The following PPIL4 variants were observed in gnomAD, a reference collection of about 807,000 sequenced individuals.
The protein encoded by PPIL4 is peptidylprolyl isomerase like 4, also known as peptidyl-prolyl cis-trans isomerase-like 4.
In PPIL4, 50 loss-of-function variants were observed where a neutral mutation model predicts 69.1. That is an observed-to-expected ratio of 0.72 (90% CI 0.58 to 0.92). The LOEUF (loss-of-function observed/expected upper bound fraction) is 0.92, where lower values mean the gene tolerates loss of function less well. PPIL4 is among the 40% of genes least tolerant of loss of function. The probability of loss-of-function intolerance (pLI) is 0.00; values close to 1 mark genes in which losing one functional copy is unlikely to be tolerated. For synonymous variants in PPIL4, 193 were observed against 191.6 expected (o/e 1.01, Z -0.06); for missense variants, 480 against 587.9 (o/e 0.82, Z 1.90).
chr6:149,536,853 C>CCT (rs1306793745), intron 4 of PPIL4, among the ~76,000 whole-genome samples: 4 of 152,116 alleles, frequency 2.6e-5, no homozygotes, highest in Non-Finnish European at 5.9e-5. Flanking sequence ...TGGCCAGGTG[C>CCT]AGTGGCTCAC....
intron 5 of PPIL4, 81 bp downstream of exon 5, chr6:149,535,515 G>T: frequency 1.9e-6 from 2 of 1,062,200 alleles, no homozygotes; most frequent in Non-Finnish European, 2.8e-6. Context: ...TATGCATACC[G>T]TTCCTATCCA....
rs191857574 is a variant in PPIL4 at position 149,536,954 on chromosome 6, T to C, written c.322-1216A>G. The stretch of plus-strand genomic sequence containing the variant: ...CAGCCTGACCAACATGGTGAAACCC[T>C]GTCTCCACTAAAAATACAAAAGTTA... On this transcript the variant is annotated intron_variant, in intron 4 of 12. Transcript: ENST00000253329. Among the ~76,000 whole-genome samples, 641 of 151,928 alleles carry C rather than the reference T, an allele frequency of 4.2e-3. 3 individuals are homozygous for C. Among genetic ancestry groups the C allele is most frequent in the Non-Finnish European group, 5.0e-3 (338 of 67,918 alleles).
At chr6:149,529,740 C>G (rs573625749) in intron 7 of PPIL4, among the ~76,000 whole-genome samples, 1 of 124,682 alleles carries the variant, frequency 8.0e-6, no homozygotes, top group Admixed American at 1.1e-4. Context: ...TCTAGCCTGA[C>G]GACAAGAGCG....
chr6:149,521,228 T>C (rs1777024893), intron 9 of PPIL4, 57 bp from the exon 10 acceptor site: 2 of 1,007,508 alleles, frequency 2.0e-6, no homozygotes, highest in Non-Finnish European at 3.0e-6. Context: ...TTTCTGTAGC[T>C]AGAATACTGA....
chr6:149,543,964 T>C (rs779809959), intron 1 of PPIL4, among the ~76,000 whole-genome samples: 86 of 152,346 alleles, frequency 5.6e-4, no homozygotes, highest in Non-Finnish European at 8.7e-4. Context: ...ATGTTGATCA[T>C]AGATTGATAA....
intron 3 of PPIL4, 147 bp from the exon 4 acceptor site, chr6:149,541,206 G>GA (rs1026138097): frequency 1.1e-4 from 60 of 560,598 alleles, no homozygotes; most frequent in African/African-American, 8.4e-4. Context: ...GAACTTGGGG[G>GA]AAAAAATCTA....
rs1446491971 is a variant in PPIL4 at position 149,540,904 on chromosome 6, T to C, written c.321+38A>G. ...TCTGTGGGCTCCTTCCAGTCCTTCA[T>C]TTCTAAGCAAATCTCATATTCTTAC... is the stretch of plus-strand genomic sequence containing the variant. On this transcript the variant is annotated intron_variant, in intron 4 of 12. Transcript: ENST00000253329. 2.3e-6 allele frequency: 3 copies of C among 1,304,730 alleles called. No homozygotes were observed. The African/African-American group carries it at 4.3e-5, about 19-fold the overall frequency. The allele number at this position is 1,304,730 out of a possible 1,614,324, so 80.8% of individuals were successfully genotyped here. A position where few individuals can be genotyped will look rare whatever the true frequency, so the allele number is the denominator to read the frequency against.
At chr6:149,542,072 A>G (rs1164659205) in intron 1 of PPIL4, among the ~76,000 whole-genome samples, 1 of 152,176 alleles carries the variant, frequency 6.6e-6, no homozygotes, top group Non-Finnish European at 1.5e-5. Context: ...AAAACATTTT[A>G]AATTACCTTT....
chr6:149,510,872 TAAC>T (rs1435268323), intron 12 of PPIL4, among the ~76,000 whole-genome samples: 1 of 151,594 alleles, frequency 6.6e-6, no homozygotes, highest in Non-Finnish European at 1.5e-5. Flanking sequence ...AAAAAAGTAG[TAAC>T]AATAATAACC....
intron 4 of PPIL4, among the ~76,000 whole-genome samples, chr6:149,537,959 G>T (rs1777302121): frequency 6.6e-6 from 1 of 152,000 alleles, no homozygotes; most frequent in Admixed American, 6.6e-5. Flanking sequence ...GATGTACAAG[G>T]AAATTAATAT....
At position 149,533,517 on chromosome 6, in the gene PPIL4, C is replaced by T; in HGVS notation, c.619G>A (p.Glu207Lys). 3 of 1,612,872 alleles carry T rather than the reference C, an allele frequency of 1.9e-6. No individual in the cohort carries two copies. Among genetic ancestry groups the T allele is most frequent in the Non-Finnish European group, 2.5e-6 (3 of 1,179,222 alleles). The change falls in exon 7 of 13, where the codon GAA becomes AAA. Residue 207 changes from glutamate (E) to lysine (K), a missense_variant. Physicochemically the swap from Glu to Lys is moderately conservative, Grantham distance 56. Coordinates refer to ENST00000253329, the MANE Select transcript of PPIL4 (RefSeq NM_139126.4). ...TTTTCTGCCTTTATTTCTTCTACTT[C>T]CTCAGCTGATCTTCCTTTGAAATCA... ...IDDFKGRSAE[E>K]VEEIKAEKEA...
intron 12 of PPIL4, among the ~76,000 whole-genome samples, chr6:149,509,650 G>A (rs1037346616): frequency 6.6e-6 from 1 of 152,152 alleles, no homozygotes; most frequent in African/African-American, 2.4e-5. Context: ...TATACTATGG[G>A]ACAAATTTTA....
chr6:149,515,635 G>A (rs1198804165), intron 11 of PPIL4, among the ~76,000 whole-genome samples: 1 of 152,094 alleles, frequency 6.6e-6, no homozygotes, highest in African/African-American at 2.4e-5. Context: ...TTGCTAAACT[G>A]AGTATGTGAC....
At position 149,535,645 on chromosome 6, in the gene PPIL4, T is replaced by A. The variant is rs769997246; in HGVS notation, c.415A>T (p.Ile139Phe). Residue 139 changes from isoleucine to phenylalanine, a missense_variant, in exon 5 of 13, where the codon ATT (isoleucine) becomes TTT (phenylalanine). Ile to Phe is a conservative substitution (Grantham distance 21). Coordinates refer to ENST00000253329, the MANE Select transcript of PPIL4 (RefSeq NM_139126.4). The part of the protein sequence containing the change: ...VTEGMDIIKK[I>F]NETFVDKDFV... ...TCCTTGTCAACAAAGGTCTCATTAA[T>A]TTTCTTAATTATGTCCATGCCTTCT... The A allele has an allele frequency of 6.2e-7, 1 of 1,612,768 alleles. No homozygotes were observed. Among genetic ancestry groups the A allele is most frequent in the Non-Finnish European group, 8.5e-7 (1 of 1,178,876 alleles).
chr6:149,534,709 C>T lies in PPIL4; in HGVS notation c.530G>A (p.Arg177Gln), dbSNP rs1372130184. The change falls in exon 6 of 13, where the codon CGA becomes CAA. Residue 177 changes from arginine (R) to glutamine (Q), a missense_variant. Arg to Gln is a conservative substitution (Grantham distance 43). Transcript: ENST00000253329. ...DDPPDLLIPD[R>Q]SPEPTREQLD... is the part of the protein sequence containing the mutation. Reference sequence around the variant, plus strand: ...TTGTTCCCTTGTAGGTTCTGGTGATCGATCAGGGATTAATAAATCAGGAGG... The same window carrying T: ...TTGTTCCCTTGTAGGTTCTGGTGATTGATCAGGGATTAATAAATCAGGAGG... The T allele has an allele frequency of 1.9e-6, 3 of 1,590,448 alleles. No individual in the cohort carries two copies. Among genetic ancestry groups the T allele is most frequent in the Non-Finnish European group, 1.7e-6 (2 of 1,162,982 alleles).
At chr6:149,536,788 A>G (rs541759778) in intron 4 of PPIL4, among the ~76,000 whole-genome samples, 1 of 152,024 alleles carries the variant, frequency 6.6e-6, no homozygotes, top group East Asian at 1.9e-4. Context: ...AGCTGTCTCC[A>G]TAATTTAAAA....
intron 4 of PPIL4, 114 bp from the exon 5 acceptor site, chr6:149,535,852 C>A: frequency 3.0e-6 from 2 of 664,520 alleles, no homozygotes; most frequent in Non-Finnish European, 4.9e-6. Context: ...TTTACTGCAC[C>A]AATTCTTAGA....
intron 12 of PPIL4, among the ~76,000 whole-genome samples, chr6:149,509,775 T>C (rs1008401761): frequency 1.3e-5 from 2 of 152,180 alleles, no homozygotes; most frequent in African/African-American, 4.8e-5. Flanking sequence ...GTTTCAACTA[T>C]GAAACTAAAC....
At chr6:149,516,828 G>C (rs1256185572) in intron 11 of PPIL4, 1 of 152,162 alleles carries the variant, frequency 6.6e-6, no homozygotes, top group Non-Finnish European at 1.5e-5. Flanking sequence ...GAGAACAATA[G>C]GATTTTGTTA....
Sources: allele counts gnomAD v4.1 joint callset (sites outside exome capture counted in the v4.1 genomes callset), GRCh38; gene constraint gnomAD v4.1.1; transcripts MANE v1.5; gene names NCBI Gene and HGNC (gene_info 2026-07-23, HGNC 2026-07-21).